Variants in BTG4 observed in about 807,000 individuals in gnomAD.
BTG4 encodes BTG anti-proliferation factor 4.
Under a neutral mutation model 19.3 loss-of-function variants are expected in BTG4, and 10 were observed. The ratio of observed to expected loss-of-function variants is 0.52; its 90% CI spans 0.32 to 0.88. The LOEUF is 0.88. Among genes scored for constraint, BTG4 ranks in the 40% least tolerant of loss-of-function variants. The pLI, the probability that BTG4 is intolerant of heterozygous loss-of-function variation, is 0.04. For missense variants in BTG4, 238 were observed against 281.9 expected, an observed-to-expected ratio of 0.84 and a Z score of 1.11; for synonymous variants, 91 against 95.7, an observed-to-expected ratio of 0.95 and a Z score of 0.29.
At chr11:111,502,770 A>G (rs545188162) in intron 1 of BTG4, among the ~76,000 whole-genome samples, 1 of 152,322 alleles carries the variant, frequency 6.6e-6, no homozygotes, top group South Asian at 2.1e-4. Context: ...TTGGTGAAGT[A>G]CATTAATGAG....
the BTG4 span, among the ~76,000 whole-genome samples, chr11:111,392,787 G>A: frequency 2.0e-5 from 3 of 152,188 alleles, no homozygotes; most frequent in African/African-American, 7.2e-5. Context: ...TAAGAGCCCA[G>A]ACCTGCGAGT....
At chr11:111,421,526 G>A in the BTG4 span, among the ~76,000 whole-genome samples, 10 of 152,332 alleles carry the variant, frequency 6.6e-5, no homozygotes, top group African/African-American at 2.4e-4. Context: ...CCAATTAACT[G>A]ATGTCTGCAC....
At chr11:111,460,840 A>T in the BTG4 span, among the ~76,000 whole-genome samples, 1 of 152,218 alleles carries the variant, frequency 6.6e-6, no homozygotes, top group South Asian at 2.1e-4. Context: ...TATGTCAATG[A>T]AGAAGCAAAA....
intron 5 of BTG4, among the ~76,000 whole-genome samples, chr11:111,487,529 T>G (rs1865141408): frequency 1.3e-5 from 2 of 152,098 alleles, no homozygotes; most frequent in African/African-American, 4.8e-5. Flanking sequence ...ACTGAAAGCC[T>G]TTTCTCTAAG....
chr11:111,436,938 A>T, the BTG4 span, among the ~76,000 whole-genome samples: 1 of 152,152 alleles, frequency 6.6e-6, no homozygotes, highest in Non-Finnish European at 1.5e-5. Flanking sequence ...CCGCCCCACC[A>T]TCACCCTGCC....
the BTG4 span, among the ~76,000 whole-genome samples, chr11:111,441,462 C>A: frequency 6.6e-6 from 1 of 152,052 alleles, no homozygotes; most frequent in Admixed American, 6.5e-5. Context: ...AATACACCAC[C>A]CTTCTTCTTT....
downstream of BTG4, among the ~76,000 whole-genome samples, chr11:111,493,604 G>C (rs1047235307): frequency 2.6e-5 from 4 of 152,140 alleles, no homozygotes; most frequent in Non-Finnish European, 5.9e-5. Context: ...ACCTCCAGGA[G>C]ATGGTTTGCT....
intron 4 of BTG4, chr11:111,496,626 A>G (rs1214694414): frequency 2.0e-5 from 3 of 152,256 alleles, no homozygotes; most frequent in Admixed American, 6.5e-5. Context: ...TGTTTTTCAA[A>G]TTGTGGGTCA....
intron 5 of BTG4, among the ~76,000 whole-genome samples, chr11:111,482,286 AACAC>A (rs371209208): frequency 6.6e-6 from 1 of 152,034 alleles, no homozygotes; most frequent in Non-Finnish European, 1.5e-5. Flanking sequence ...AGAGTTGTAT[AACAC>A]ACACACACGA....
chr11:111,426,097 A>C, the BTG4 span, among the ~76,000 whole-genome samples: 2 of 152,186 alleles, frequency 1.3e-5, no homozygotes, highest in Non-Finnish European at 2.9e-5. Flanking sequence ...GAATGTTGGC[A>C]TCATTATCCA....
At chr11:111,444,935 G>A in the BTG4 span, among the ~76,000 whole-genome samples, 1 of 152,190 alleles carries the variant, frequency 6.6e-6, no homozygotes, top group Non-Finnish European at 1.5e-5. Flanking sequence ...AACCAAGAAA[G>A]TTTGTTTTTG....
chr11:111,487,072 T>C (rs898768890), intron 5 of BTG4, among the ~76,000 whole-genome samples: 1 of 152,146 alleles, frequency 6.6e-6, no homozygotes, highest in Non-Finnish European at 1.5e-5. Context: ...GAACATGCAG[T>C]GCTTGACATT....
chr11:111,389,104 C>T, the BTG4 span, among the ~76,000 whole-genome samples: 2 of 152,226 alleles, frequency 1.3e-5, no homozygotes, highest in Admixed American at 6.5e-5. Flanking sequence ...ATCCAACATG[C>T]GAAGGCAAGT....
intron 5 of BTG4, among the ~76,000 whole-genome samples, chr11:111,488,074 T>C (rs1263918066): frequency 2.0e-5 from 3 of 151,990 alleles, no homozygotes; most frequent in East Asian, 1.9e-4. Flanking sequence ...AAAATACCAA[T>C]GACATTCTTC....
At chr11:111,403,066 A>G in the BTG4 span, among the ~76,000 whole-genome samples, 1 of 152,116 alleles carries the variant, frequency 6.6e-6, no homozygotes, top group Non-Finnish European at 1.5e-5. Context: ...CTCCATAGAA[A>G]GACTTCTCTT....
At chr11:111,442,768 T>C in the BTG4 span, among the ~76,000 whole-genome samples, 1 of 151,908 alleles carries the variant, frequency 6.6e-6, no homozygotes, top group Non-Finnish European at 1.5e-5. Context: ...TAAGTCCATA[T>C]TGATATAAAT....
At chr11:111,408,118 GC>G in the BTG4 span, among the ~76,000 whole-genome samples, 1 of 152,224 alleles carries the variant, frequency 6.6e-6, no homozygotes, top group African/African-American at 2.4e-5. Context: ...CCTGTCCTAA[GC>G]CTCCAAGCCC....
At chr11:111,400,151 G>T in the BTG4 span, among the ~76,000 whole-genome samples, 2 of 152,258 alleles carry the variant, frequency 1.3e-5, no homozygotes. Flanking sequence ...GGGCAACCTC[G>T]GAAAAGTCAT....
chr11:111,459,893 A>AG, the BTG4 span: 1 of 152,308 alleles, frequency 6.6e-6, no homozygotes, highest in Admixed American at 6.5e-5. Flanking sequence ...TGCCAAGGGA[A>AG]GGGGTCATTC....
Sources: gnomAD v4.1 joint callset for allele counts (sites outside exome capture counted in the v4.1 genomes callset) on GRCh38, gnomAD v4.1.1 for gene constraint, MANE v1.5 for transcripts, NCBI Gene and HGNC (gene_info 2026-07-23, HGNC 2026-07-21) for gene names.